The following EDAR variants were observed in gnomAD, a reference collection of about 807,000 sequenced individuals.
The protein encoded by EDAR is ectodysplasin A receptor, also known as tumor necrosis factor receptor superfamily member EDAR.
A neutral mutation model predicts 51.3 loss-of-function variants in EDAR; 38 were observed. That is an observed-to-expected ratio of 0.74 (90% CI 0.57 to 0.97). The LOEUF (loss-of-function observed/expected upper bound fraction) is 0.97, where lower values mean the gene tolerates loss of function less well. EDAR is among the 50% of genes least tolerant of loss of function. The probability of loss-of-function intolerance (pLI) is 0.00; values close to 1 mark genes in which losing one functional copy is unlikely to be tolerated. For synonymous variants in EDAR, 227 were observed against 242.1 expected, an observed-to-expected ratio of 0.94 and a Z score of 0.58; for missense variants, 528 against 595.0, an observed-to-expected ratio of 0.89 and a Z score of 1.17.
chr2:108,954,896 C>T (rs1312376915), intron 1 of EDAR, among the ~76,000 whole-genome samples: 1 of 152,036 alleles, frequency 6.6e-6, no homozygotes, highest in Non-Finnish European at 1.5e-5. Flanking sequence ...GTTGGCCAGG[C>T]TGGCCTTGAA....
At chr2:108,973,223 G>A (rs1158018517) in intron 1 of EDAR, among the ~76,000 whole-genome samples, 5 of 152,172 alleles carry the variant, frequency 3.3e-5, no homozygotes, top group African/African-American at 9.7e-5. Context: ...CCTGACATCA[G>A]GTGTTCTGCC....
At chr2:108,979,990 T>C (rs2104470746) in intron 1 of EDAR, among the ~76,000 whole-genome samples, 1 of 147,116 alleles carries the variant, frequency 6.8e-6, no homozygotes, top group African/African-American at 2.5e-5. Context: ...GCTTCTTCAC[T>C]TGAAAATCAG....
At position 108,911,078 on chromosome 2, in the gene EDAR, G is replaced by C. The variant is rs773222347; in HGVS notation, c.530-6C>G. 1.2e-6 allele frequency: 2 copies of C among 1,614,090 alleles called. No individual in the cohort carries two copies. The highest frequency in any genetic ancestry group is 4.5e-5 in the East Asian group (2 of 44,888). On this transcript the variant is annotated splice_polypyrimidine_tract_variant and splice_region_variant and intron_variant, in intron 6 of 11. Transcript: ENST00000258443. ...GTGTCCTTGGCCTGAGAGTTCTGTG[G>C]GTGGAGAGAAGGCATGAATGACCCA...
At chr2:108,946,329 G>A (rs565216211) in intron 1 of EDAR, among the ~76,000 whole-genome samples, 1 of 152,334 alleles carries the variant, frequency 6.6e-6, no homozygotes, top group East Asian at 1.9e-4. Flanking sequence ...ACATATCTGA[G>A]TGTGTTCAGC....
intron 11 of EDAR, among the ~76,000 whole-genome samples, chr2:108,900,034 C>T (rs1166546535): frequency 1.3e-5 from 2 of 151,996 alleles, no homozygotes; most frequent in African/African-American, 4.8e-5. Flanking sequence ...TTATATGTGT[C>T]AATGCAATGT....
chr2:108,983,762 C>T (rs985460245), intron 1 of EDAR, among the ~76,000 whole-genome samples: 1 of 152,214 alleles, frequency 6.6e-6, no homozygotes, highest in Non-Finnish European at 1.5e-5. Context: ...CTCCAAAGGC[C>T]ATATGGAGTC....
In EDAR at chr2:108,896,712, C is replaced by G. The variant is rs927493621; in HGVS notation, c.*195G>C. 2 of 610,476 alleles carry G rather than the reference C, an allele frequency of 3.3e-6. No individual in the cohort carries two copies. Among genetic ancestry groups the G allele is most frequent in the East Asian group, 5.5e-5 (2 of 36,106 alleles). 37.8% of individuals were successfully genotyped at this position (610,476 alleles called of 1,614,324 possible). On this transcript the variant is annotated 3_prime_UTR_variant, in exon 12 of 12. Transcript: ENST00000258443. ...GGTACAGGCGAGCATCTGAAAGTAT[C>G]CCGGCTCTAGTCCTTTATCTTTGGT...
chr2:108,969,485 G>A (rs1325417840), intron 1 of EDAR, among the ~76,000 whole-genome samples: 1 of 152,202 alleles, frequency 6.6e-6, no homozygotes, highest in Non-Finnish European at 1.5e-5. Flanking sequence ...AGGCATACAG[G>A]TCCTGGCCCC....
chr2:108,901,361 C>A (rs1046855429), intron 11 of EDAR, among the ~76,000 whole-genome samples: 31 of 152,094 alleles, frequency 2.0e-4, no homozygotes, highest in African/African-American at 7.2e-4. Flanking sequence ...AGGACAGATA[C>A]ATACAAAGGA....
At chr2:108,932,643 C>A (rs1448638677) in intron 1 of EDAR, among the ~76,000 whole-genome samples, 1 of 151,908 alleles carries the variant, frequency 6.6e-6, no homozygotes. Flanking sequence ...AGACCAAGGG[C>A]CCTGTCAGTG....
In EDAR at chr2:108,923,354, A is replaced by G. The variant is rs374404022; in HGVS notation, c.442+14T>C. On this transcript the variant is annotated intron_variant, in intron 5 of 11. Transcript: ENST00000258443. ...GAACAAATACCGTGCTGGTGGAAGG[A>G]CAAAGACACTCACATTCCTTGGTGT... The G allele has an allele frequency of 1.9e-4, 312 of 1,613,298 alleles. 1 individual carries two copies. The African/African-American group carries it at 3.4e-3, about 17-fold the overall frequency.
At chr2:108,905,596 C>T (rs1440965439) in intron 11 of EDAR, among the ~76,000 whole-genome samples, 1 of 152,128 alleles carries the variant, frequency 6.6e-6, no homozygotes, top group Non-Finnish European at 1.5e-5. Flanking sequence ...GGCTCCACTC[C>T]CGCTGCCCGG....
intron 1 of EDAR, among the ~76,000 whole-genome samples, chr2:108,960,602 A>AT (rs369678938): frequency 2.9e-3 from 447 of 152,082 alleles, no homozygotes; most frequent in Non-Finnish European, 4.9e-3. Flanking sequence ...AGGTTTTTAC[A>AT]TTTTTTTTCA....
At chr2:108,962,532 G>C (rs1020798913) in intron 1 of EDAR, among the ~76,000 whole-genome samples, 4 of 151,744 alleles carry the variant, frequency 2.6e-5, no homozygotes, top group Non-Finnish European at 5.9e-5. Context: ...AAAATTAGCC[G>C]GGCGTGGTGG....
At chr2:108,925,857 C>T (rs895574059) in intron 4 of EDAR, among the ~76,000 whole-genome samples, 1 of 152,148 alleles carries the variant, frequency 6.6e-6, no homozygotes, top group Non-Finnish European at 1.5e-5. Flanking sequence ...CTCAAGTGAT[C>T]CACCTGCCTT....
intron 1 of EDAR, among the ~76,000 whole-genome samples, chr2:108,939,327 C>T (rs12474934): frequency 0.68 from 103,312 of 152,078 alleles, 37,744 homozygotes; most frequent in Non-Finnish European, 0.82. Flanking sequence ...GCTGGGACTA[C>T]AGGCGTGCGC....
chr2:108,913,231 G>A (rs1163561091), intron 5 of EDAR, among the ~76,000 whole-genome samples: 1 of 152,118 alleles, frequency 6.6e-6, no homozygotes, highest in Admixed American at 6.5e-5. Context: ...TTACAGGCAT[G>A]AGCCACCGCG....
chr2:108,969,952 T>C (rs1156479804), intron 1 of EDAR, among the ~76,000 whole-genome samples: 1 of 152,230 alleles, frequency 6.6e-6, no homozygotes, highest in Non-Finnish European at 1.5e-5. Context: ...CTCAGATTTC[T>C]TTAAACACAG....
intron 1 of EDAR, among the ~76,000 whole-genome samples, chr2:108,982,555 C>G (rs1412252713): frequency 6.6e-6 from 1 of 152,196 alleles, no homozygotes; most frequent in African/African-American, 2.4e-5. Context: ...CCTTCAAAAG[C>G]AACAACTGTG....
Sources: allele counts gnomAD v4.1 joint callset (sites outside exome capture counted in the v4.1 genomes callset), GRCh38; gene constraint gnomAD v4.1.1; transcripts MANE v1.5; gene names NCBI Gene and HGNC (gene_info 2026-07-23, HGNC 2026-07-21).